KAZN: variants seen among roughly 807,000 people sequenced by gnomAD.
KAZN encodes kazrin, periplakin interacting protein.
In KAZN, 40 loss-of-function variants were observed where a neutral mutation model predicts 87.4. The observed-to-expected ratio is 0.46, with a 90% confidence interval of 0.36 to 0.60. The LOEUF is 0.60. KAZN is among the 20% of genes least tolerant of loss of function. KAZN has a pLI of 0.00. For synonymous variants in KAZN, 466 were observed against 458.3 expected (o/e 1.02, Z -0.22); for missense variants, 898 against 1,073.9 (o/e 0.84, Z 2.29).
intron 2 of KAZN, among the ~76,000 whole-genome samples, chr1:14,258,975 T>C (rs897606470): frequency 6.6e-6 from 1 of 152,040 alleles, no homozygotes; most frequent in Non-Finnish European, 1.5e-5. Context: ...TTTGGAGGGA[T>C]GGAAAGAGGA....
chr1:13,907,554 A>G (rs1009440296), intron 1 of KAZN, among the ~76,000 whole-genome samples: 2 of 152,038 alleles, frequency 1.3e-5, no homozygotes, highest in Non-Finnish European at 2.9e-5. Context: ...CTAGGCTGGC[A>G]TTATCTGGTC....
chr1:14,506,986 A>G (rs1232331297), intron 2 of KAZN, among the ~76,000 whole-genome samples: 1 of 152,142 alleles, frequency 6.6e-6, no homozygotes, highest in Non-Finnish European at 1.5e-5. Context: ...CAGCCATCCC[A>G]TTGTGGTGCA....
At chr1:14,841,338 G>A (rs984818283) in intron 1 of KAZN, among the ~76,000 whole-genome samples, 28 of 149,560 alleles carry the variant, frequency 1.9e-4, no homozygotes, top group Middle Eastern at 3.5e-3. Flanking sequence ...CCCGGGAGGC[G>A]GAGCTTGCAG....
At chr1:14,406,238 C>T (rs952505440) in intron 2 of KAZN, among the ~76,000 whole-genome samples, 4 of 152,062 alleles carry the variant, frequency 2.6e-5, no homozygotes, top group Admixed American at 1.3e-4. Context: ...ACAATGTACT[C>T]ACAAATTTGT....
At chr1:14,342,431 T>A (rs1312074619) in intron 2 of KAZN, among the ~76,000 whole-genome samples, 1 of 152,222 alleles carries the variant, frequency 6.6e-6, no homozygotes, top group Non-Finnish European at 1.5e-5. Context: ...ACAATCTGTA[T>A]TGTACTAATT....
At chr1:14,844,892 G>GGATA (rs1648521156) in intron 1 of KAZN, among the ~76,000 whole-genome samples, 2 of 152,026 alleles carry the variant, frequency 1.3e-5, no homozygotes, top group African/African-American at 4.8e-5. Flanking sequence ...GTGCATAGGT[G>GGATA]GATAGATGAG....
chr1:14,574,941 A>T (rs1200228397), intron 2 of KAZN, among the ~76,000 whole-genome samples: 1 of 152,186 alleles, frequency 6.6e-6, no homozygotes, highest in Non-Finnish European at 1.5e-5. Context: ...TTGAGGAGGA[A>T]GAACAAGAGG....
chr1:14,553,141 G>A (rs550224472), intron 2 of KAZN, among the ~76,000 whole-genome samples: 14 of 152,292 alleles, frequency 9.2e-5, no homozygotes, highest in South Asian at 6.2e-4. Context: ...TTGGGAAGCC[G>A]AGGCGGGCAG....
At chr1:13,929,291 T>A (rs1327468851) in intron 1 of KAZN, among the ~76,000 whole-genome samples, 1 of 152,146 alleles carries the variant, frequency 6.6e-6, no homozygotes, top group East Asian at 1.9e-4. Flanking sequence ...CTGTGTTTTG[T>A]CTTGAACGTG....
chr1:14,100,598 C>A (rs1210544022), intron 1 of KAZN, among the ~76,000 whole-genome samples: 3 of 152,204 alleles, frequency 2.0e-5, no homozygotes, highest in Non-Finnish European at 4.4e-5. Flanking sequence ...TGCTGTCTAC[C>A]AGGGAATCTC....
chr1:14,906,601 A>G (rs1032461118), intron 1 of KAZN, among the ~76,000 whole-genome samples: 2 of 152,066 alleles, frequency 1.3e-5, no homozygotes, highest in East Asian at 1.9e-4. Context: ...TATTTTTTCA[A>G]TATCACAAAA....
At chr1:14,571,192 A>G (rs1257561322) in intron 2 of KAZN, among the ~76,000 whole-genome samples, 7 of 152,006 alleles carry the variant, frequency 4.6e-5, no homozygotes, top group Admixed American at 3.9e-4. Flanking sequence ...CATAGAATTC[A>G]AAACTAAGAA....
chr1:14,956,431 C>G (rs1199583490), intron 1 of KAZN, among the ~76,000 whole-genome samples: 3 of 151,852 alleles, frequency 2.0e-5, no homozygotes, highest in Non-Finnish European at 4.4e-5. Flanking sequence ...GAAACCCCAT[C>G]TCTACTAAAA....
chr1:14,820,823 G>A lies in KAZN; in HGVS notation c.227-139861G>A, dbSNP rs1480755062. On this transcript the variant is annotated intron_variant, in intron 1 of 14. Coordinates refer to ENST00000376030, the MANE Select transcript of KAZN (RefSeq NM_201628.3). The surrounding 1 kb of genome is among the most constrained non-coding windows in gnomAD (Gnocchi z 4.1). ...ACAGTGGGGAGTGAAGGGGGCCATG[G>A]CAGTCTGATGCAGGGAAGGGATACG... Among the ~76,000 whole-genome samples, 1 of 152,170 alleles carries A rather than the reference G, an allele frequency of 6.6e-6. No homozygotes were observed. The highest frequency in any genetic ancestry group is 1.9e-4 in the East Asian group (1 of 5,182).
chr1:13,912,414 G>A (rs1203903634), intron 1 of KAZN, among the ~76,000 whole-genome samples: 1 of 152,094 alleles, frequency 6.6e-6, no homozygotes, highest in African/African-American at 2.4e-5. Flanking sequence ...ATCAATAAGT[G>A]CCATTGAAGA....
In KAZN at chr1:14,699,601, A is replaced by G. The variant is rs182109199; in HGVS notation, c.226+100378A>G. Among the ~76,000 whole-genome samples the G allele has an allele frequency of 2.4e-3, 363 of 152,310 alleles. 1 individual carries two copies. Among genetic ancestry groups the G allele is most frequent in the Non-Finnish European group, 4.4e-3 (300 of 68,030 alleles). ...CAACAGTAATAAAAACAGGCACTGC[A>G]AGAGAGAAAGAGAGCGATGAGGAGC... is the stretch of plus-strand genomic sequence containing the variant. On this transcript the variant is annotated intron_variant, in intron 1 of 14. Coordinates refer to ENST00000376030, the MANE Select transcript of KAZN (RefSeq NM_201628.3).
At chr1:14,255,898 A>G (rs750680600) in intron 2 of KAZN, among the ~76,000 whole-genome samples, 8 of 152,206 alleles carry the variant, frequency 5.3e-5, no homozygotes, top group Non-Finnish European at 8.8e-5. Context: ...CTGCTGTGTT[A>G]TGCTGCCTGG....
At chr1:14,344,114 G>A (rs1055475908) in intron 2 of KAZN, among the ~76,000 whole-genome samples, 11 of 150,910 alleles carry the variant, frequency 7.3e-5, no homozygotes, top group Non-Finnish European at 1.5e-4. Context: ...CCTATTATGG[G>A]CATTCCAACC....
intron 2 of KAZN, among the ~76,000 whole-genome samples, chr1:14,296,087 G>T (rs984218842): frequency 6.6e-6 from 1 of 152,166 alleles, no homozygotes; most frequent in Non-Finnish European, 1.5e-5. Context: ...TTTGTATAGG[G>T]ACAGCACTGA....
Sources: allele counts gnomAD v4.1 joint callset (sites outside exome capture counted in the v4.1 genomes callset), GRCh38; gene constraint gnomAD v4.1.1; non-coding constraint Gnocchi (gnomAD v3.1); transcripts MANE v1.5; gene names NCBI Gene and HGNC (gene_info 2026-07-23, HGNC 2026-07-21).